Variants in MYLK observed in about 807,000 individuals in gnomAD.
MYLK encodes myosin light chain kinase, smooth muscle.
MYLK carries 106 observed loss-of-function variants against 203.4 expected under a neutral mutation model. The observed-to-expected ratio is 0.52, with a 90% CI of 0.45 to 0.61. The LOEUF is 0.61. Ranked by LOEUF, MYLK falls within the 20% of genes least tolerant of loss-of-function variation. The probability of loss-of-function intolerance (pLI) is 0.00; values close to 1 mark genes in which losing one functional copy is unlikely to be tolerated. For missense variants in MYLK, 2,072 were observed against 2,442.3 expected, an observed-to-expected ratio of 0.85 and a Z score of 3.20; for synonymous variants, 867 against 959.5, an observed-to-expected ratio of 0.90 and a Z score of 1.78.
At chr3:123,799,986 C>A (rs755445060) in intron 3 of MYLK, 3 of 152,144 alleles carry the variant, frequency 2.0e-5, no homozygotes, top group Non-Finnish European at 2.9e-5. Flanking sequence ...AGGGCCAGAC[C>A]GAAAAAGTTA....
At chr3:123,810,549 C>T (rs982990267) in intron 3 of MYLK, among the ~76,000 whole-genome samples, 1 of 152,260 alleles carries the variant, frequency 6.6e-6, no homozygotes, top group Non-Finnish European at 1.5e-5. Flanking sequence ...TGTAAGCCAG[C>T]TCTAAGCCTG....
At chr3:123,737,344 G>T in intron 8 of MYLK, 34 bp downstream of exon 8, 1 of 1,614,014 alleles carries the variant, frequency 6.2e-7, no homozygotes, top group Non-Finnish European at 8.5e-7. Context: ...ACCAGGCAGG[G>T]ATCGTTCTGC....
At chr3:123,837,363 A>G (rs1379326187) in intron 2 of MYLK, among the ~76,000 whole-genome samples, 1 of 151,844 alleles carries the variant, frequency 6.6e-6, no homozygotes. Context: ...TTTTTGTTCT[A>G]TACACCCTTC....
At chr3:123,800,118 C>T (rs2109150097) in intron 3 of MYLK, 1 of 152,306 alleles carries the variant, frequency 6.6e-6, no homozygotes, top group East Asian at 1.9e-4. Flanking sequence ...CCTTTGAAAC[C>T]TCTGGCTGCC....
At chr3:123,692,383 G>A in intron 19 of MYLK, 5 of 1,184,032 alleles carry the variant, frequency 4.2e-6, no homozygotes, top group Non-Finnish European at 5.3e-6. Context: ...GTTTGTTGTG[G>A]CTTTTGTAAA....
At chr3:123,830,521 A>T (rs1160108621) in intron 3 of MYLK, among the ~76,000 whole-genome samples, 1 of 152,238 alleles carries the variant, frequency 6.6e-6, no homozygotes, top group Non-Finnish European at 1.5e-5. Flanking sequence ...AGTTCAAAGC[A>T]GGTTTAGCAC....
chr3:123,651,782 C>T (rs2059219526), intron 24 of MYLK, among the ~76,000 whole-genome samples: 1 of 152,252 alleles, frequency 6.6e-6, no homozygotes, highest in African/African-American at 2.4e-5. Context: ...CCTCTGGCCT[C>T]ACTCATGAGC....
At chr3:123,683,616 A>C (rs2108465669) in intron 19 of MYLK, among the ~76,000 whole-genome samples, 1 of 152,162 alleles carries the variant, frequency 6.6e-6, no homozygotes, top group South Asian at 2.1e-4. Context: ...CTTTCTTCCC[A>C]ACCTAGTGCC....
intron 28 of MYLK, 100 bp from the exon 29 acceptor site, chr3:123,638,294 G>T (rs1201023483): frequency 6.5e-7 from 1 of 1,548,572 alleles, no homozygotes; most frequent in African/African-American, 1.4e-5. Context: ...ACCTGGGAGG[G>T]GCCAGACACA....
intron 20 of MYLK, among the ~76,000 whole-genome samples, chr3:123,674,887 C>T (rs1007516914): frequency 6.6e-6 from 1 of 152,248 alleles, no homozygotes; most frequent in African/African-American, 2.4e-5. Flanking sequence ...CATCAGGCAC[C>T]GCTATTTCAG....
intron 19 of MYLK, among the ~76,000 whole-genome samples, chr3:123,687,890 T>G (rs1241927922): frequency 6.6e-6 from 1 of 152,172 alleles, no homozygotes; most frequent in East Asian, 1.9e-4. Context: ...CAGGCTGATA[T>G]TGAACTCCTG....
In MYLK at chr3:123,708,692, C is replaced by G. The variant is rs374346618; in HGVS notation, c.2140+6G>C. The G allele has an allele frequency of 3.1e-6, 5 of 1,613,894 alleles. No homozygotes were observed. The Admixed American group carries it at 5.0e-5, about 16-fold the overall frequency. On this transcript the variant is annotated splice_donor_region_variant and intron_variant, in intron 15 of 33. Transcript: ENST00000360304. ...TTCCCACTCGCTCTGAGTGGGTCAG[C>G]CTCACCTTGTACCGTGAGCACGGCC...
At chr3:123,871,081 C>A (rs2032754188) in intron 2 of MYLK, among the ~76,000 whole-genome samples, 1 of 152,026 alleles carries the variant, frequency 6.6e-6, no homozygotes, top group South Asian at 2.1e-4. Flanking sequence ...GGTCCCACCC[C>A]CAAGCAGAAG....
At chr3:123,728,059 G>A (rs912631263) in intron 11 of MYLK, among the ~76,000 whole-genome samples, 1 of 152,186 alleles carries the variant, frequency 6.6e-6, no homozygotes, top group Non-Finnish European at 1.5e-5. Context: ...TCATCAAGAA[G>A]ATAGGATGTG....
At chr3:123,798,685 C>G (rs569490921) in intron 3 of MYLK, among the ~76,000 whole-genome samples, 13 of 152,106 alleles carry the variant, frequency 8.5e-5, no homozygotes, top group Non-Finnish European at 1.9e-4. Flanking sequence ...ATCAATACAG[C>G]AAGGGAACAT....
intron 13 of MYLK, among the ~76,000 whole-genome samples, chr3:123,713,146 C>A (rs901946183): frequency 6.6e-6 from 1 of 152,148 alleles, no homozygotes; most frequent in Non-Finnish European, 1.5e-5. Context: ...ACATTTAGTT[C>A]GGTGTCACTC....
At position 123,682,313 on chromosome 3, in the gene MYLK, G is replaced by A. The variant is rs2060296143; in HGVS notation, c.3566-3C>T. 6.3e-7 allele frequency: 1 copy of A among 1,592,048 alleles called. No homozygotes were observed. Among genetic ancestry groups the A allele is most frequent in the South Asian group, 1.1e-5 (1 of 87,250 alleles). On this transcript the variant is annotated splice_polypyrimidine_tract_variant and splice_region_variant and intron_variant, in intron 19 of 33. Coordinates refer to ENST00000360304, the MANE Select transcript of MYLK (RefSeq NM_053025.4). ...GGTGTTCTCACTGGCTGGAGCATCT[G>A]GAATGAAACAGGTAACAATAAATGT...
chr3:123,672,407 G>A (rs2059944711), intron 20 of MYLK, among the ~76,000 whole-genome samples: 1 of 152,152 alleles, frequency 6.6e-6, no homozygotes, highest in Non-Finnish European at 1.5e-5. Flanking sequence ...ATCAATTTCT[G>A]TGGTTAAGCT....
chr3:123,739,925 T>TA lies in MYLK; in HGVS notation c.422+27dup, dbSNP rs778378570. 7 of 1,613,292 alleles carry TA rather than the reference T, an allele frequency of 4.3e-6. No homozygotes were observed. In the Admixed American group the frequency reaches 1.2e-4, roughly 27 times the overall value. ...GTCAGCAGGAAAGCAATCCAACCCT[T>TA]ACTCTGTCTTGAACATCCAGGACTT... On this transcript the variant is annotated intron_variant, in intron 6 of 33. Transcript: ENST00000360304.
Sources: allele counts gnomAD v4.1 joint callset (sites outside exome capture counted in the v4.1 genomes callset), GRCh38; gene constraint gnomAD v4.1.1; transcripts MANE v1.5; gene names NCBI Gene and HGNC (gene_info 2026-07-23, HGNC 2026-07-21).